SNTG1: variants seen among roughly 807,000 people sequenced by gnomAD.
SNTG1 encodes gamma-1-syntrophin.
Under a neutral mutation model 74.7 loss-of-function variants are expected in SNTG1, and 39 were observed. The observed-to-expected ratio is 0.52, with a 90% CI of 0.40 to 0.68. SNTG1 has a LOEUF of 0.68. Among genes scored for constraint, SNTG1 ranks in the 30% least tolerant of loss-of-function variants. SNTG1 has a pLI of 0.00. For missense variants in SNTG1, 685 were observed against 609.5 expected, an observed-to-expected ratio of 1.12 and a Z score of -1.30; for synonymous variants, 254 against 217.1, an observed-to-expected ratio of 1.17 and a Z score of -1.49.
At chr8:49,960,327 C>A (rs1396096839) in intron 1 of SNTG1, among the ~76,000 whole-genome samples, 1 of 151,988 alleles carries the variant, frequency 6.6e-6, no homozygotes, top group African/African-American at 2.4e-5. Context: ...AATGCAAAGG[C>A]AATTACAACT....
intron 8 of SNTG1, among the ~76,000 whole-genome samples, chr8:50,484,121 T>TTTCTTTCG (rs2093765144): frequency 8.9e-6 from 1 of 112,718 alleles, no homozygotes; most frequent in Non-Finnish European, 1.8e-5. Flanking sequence ...TCTTTCTTTC[T>TTTCTTTCG]TTCTTTCTTT....
chr8:50,497,062 G>T (rs2093911092), intron 8 of SNTG1, among the ~76,000 whole-genome samples: 1 of 150,674 alleles, frequency 6.6e-6, no homozygotes, highest in Admixed American at 6.6e-5. Flanking sequence ...ATTTGTCAAA[G>T]ACTTAAAATT....
intron 1 of SNTG1, among the ~76,000 whole-genome samples, chr8:50,027,730 G>A (rs1233468747): frequency 6.6e-6 from 1 of 152,104 alleles, no homozygotes; most frequent in Non-Finnish European, 1.5e-5. Context: ...TCAGTTTGTG[G>A]AACTTTGTAC....
chr8:50,482,949 A>G (rs2093753478), intron 8 of SNTG1, among the ~76,000 whole-genome samples: 1 of 152,160 alleles, frequency 6.6e-6, no homozygotes, highest in Non-Finnish European at 1.5e-5. Flanking sequence ...TTTTCTTATT[A>G]TTCAGATACC....
At chr8:50,185,804 A>T (rs532787283) in intron 2 of SNTG1, among the ~76,000 whole-genome samples, 2 of 152,172 alleles carry the variant, frequency 1.3e-5, no homozygotes, top group Non-Finnish European at 2.9e-5. Flanking sequence ...GGAAGATAAT[A>T]TAACACTATT....
intron 15 of SNTG1, among the ~76,000 whole-genome samples, chr8:50,675,930 T>C (rs1249437924): frequency 6.6e-6 from 1 of 151,346 alleles, no homozygotes; most frequent in Admixed American, 6.6e-5. Flanking sequence ...TTAGTTTGAC[T>C]GGATATGTAA....
chr8:50,780,073 A>C (rs1396681366), intron 18 of SNTG1, among the ~76,000 whole-genome samples: 2 of 152,170 alleles, frequency 1.3e-5, no homozygotes, highest in African/African-American at 2.4e-5. Context: ...ATGGTGGATA[A>C]GCTTTTTGAT....
rs542020646 is a variant in SNTG1, at chr8:50,493,329, A to G, written c.364-9449A>G. Among the ~76,000 whole-genome samples the G allele has an allele frequency of 2.0e-5, 3 of 152,310 alleles. No individual in the cohort carries two copies. In the East Asian group the frequency reaches 5.8e-4, roughly 29 times the overall value. On this transcript the variant is annotated intron_variant, in intron 8 of 18. Transcript: ENST00000642720. ...GGATGCCTTACATATTCCTGAATGA[A>G]CTTTTGAAGAGCTTTTGAGAGGCTG...
At chr8:50,322,810 T>C (rs1056079286) in intron 2 of SNTG1, among the ~76,000 whole-genome samples, 1 of 151,932 alleles carries the variant, frequency 6.6e-6, no homozygotes, top group African/African-American at 2.4e-5. Flanking sequence ...GCTTGATCAA[T>C]TCTGCTATTA....
chr8:49,969,114 T>C (rs887266018), intron 1 of SNTG1, among the ~76,000 whole-genome samples: 1 of 152,254 alleles, frequency 6.6e-6, no homozygotes. Context: ...AACTAATGGA[T>C]TGGTGGCTTG....
rs534532161 is a variant in SNTG1, at chr8:50,249,464, G to C, written c.-28+76829G>C. Reference sequence around the variant, plus strand: ...ACTCACATGTACCTGCCCCTAGCTTGACAGCTTCCTAGAGGTAAACCCATT... The same window carrying C: ...ACTCACATGTACCTGCCCCTAGCTTCACAGCTTCCTAGAGGTAAACCCATT... On this transcript the variant is annotated intron_variant, in intron 2 of 18. Transcript: ENST00000642720. Among the ~76,000 whole-genome samples, 311 of 152,328 alleles carry C rather than the reference G, an allele frequency of 2.0e-3. 1 individual carries two copies. The highest frequency in any genetic ancestry group is 4.3e-3 in the South Asian group (21 of 4,828).
intron 1 of SNTG1, among the ~76,000 whole-genome samples, chr8:50,112,515 CTTTTTTTT>C (rs34942560): frequency 3.9e-5 from 3 of 77,582 alleles, no homozygotes; most frequent in African/African-American, 1.5e-4. Context: ...TTAGTTCTTT[CTTTTTTTT>C]TTTTTTTTTT....
chr8:50,337,854 AG>A (rs1371233544), intron 2 of SNTG1, among the ~76,000 whole-genome samples: 7 of 152,194 alleles, frequency 4.6e-5, no homozygotes, highest in Admixed American at 3.9e-4. Flanking sequence ...AGTGTCTTTT[AG>A]GCCGGGCGCA....
chr8:49,926,035 T>C (rs1464424405), intron 1 of SNTG1, among the ~76,000 whole-genome samples: 1 of 152,174 alleles, frequency 6.6e-6, no homozygotes, highest in Admixed American at 6.5e-5. Context: ...GAATCGGTCA[T>C]CCTAAGTTTT....
intron 9 of SNTG1, among the ~76,000 whole-genome samples, chr8:50,529,105 T>C (rs1015189276): frequency 6.6e-6 from 1 of 151,902 alleles, no homozygotes; most frequent in Non-Finnish European, 1.5e-5. Context: ...TTTATTTTTG[T>C]TCAGTTCAAA....
At chr8:50,157,732 C>G (rs1352880854) in intron 1 of SNTG1, among the ~76,000 whole-genome samples, 1 of 151,974 alleles carries the variant, frequency 6.6e-6, no homozygotes, top group African/African-American at 2.4e-5. Flanking sequence ...GCCAAGGAAA[C>G]AAAACAATGT....
intron 9 of SNTG1, among the ~76,000 whole-genome samples, chr8:50,503,290 A>T (rs1364787376): frequency 6.6e-6 from 1 of 152,202 alleles, no homozygotes; most frequent in Non-Finnish European, 1.5e-5. Flanking sequence ...CTTTGAGGGA[A>T]TGTACTAATT....
chr8:50,344,895 T>A lies in SNTG1; in HGVS notation c.-27-49317T>A, dbSNP rs373871820. 1.0e-3 allele frequency among the ~76,000 whole-genome samples: 152 copies of A among 152,318 alleles called. 1 individual carries two copies. Among genetic ancestry groups the A allele is most frequent in the African/African-American group, 3.2e-3 (134 of 41,562 alleles). ...GTGTGATTAAGATTAAATGAGGTTCTTAAAGTGGGCCCTAATCCAATCAGA... is the reference window on the plus strand; with the variant it reads ...GTGTGATTAAGATTAAATGAGGTTCATAAAGTGGGCCCTAATCCAATCAGA... On this transcript the variant is annotated intron_variant, in intron 2 of 18. Transcript: ENST00000642720.
chr8:50,245,004 T>C (rs2086330301), intron 2 of SNTG1, among the ~76,000 whole-genome samples: 2 of 152,322 alleles, frequency 1.3e-5, no homozygotes, highest in South Asian at 2.1e-4. Flanking sequence ...ACATTTTTTT[T>C]CCATTATCAT....
Sources: gnomAD v4.1 joint callset for allele counts (sites outside exome capture counted in the v4.1 genomes callset) on GRCh38, gnomAD v4.1.1 for gene constraint, MANE v1.5 for transcripts, NCBI Gene and HGNC (gene_info 2026-07-23, HGNC 2026-07-21) for gene names.